SNAP47: variants seen among roughly 807,000 people sequenced by gnomAD.
SNAP47 encodes synaptosomal-associated protein 47.
In SNAP47, 20 loss-of-function variants were observed where a neutral mutation model predicts 31.4. That is an observed-to-expected ratio of 0.64 (90% CI 0.45 to 0.93). The LOEUF is 0.93. Among genes scored for constraint, SNAP47 ranks in the 40% least tolerant of loss-of-function variants. The pLI is 0.00. For missense variants in SNAP47, 492 were observed against 528.5 expected (o/e 0.93, Z 0.68); for synonymous variants, 194 against 213.4 (o/e 0.91, Z 0.79).
chr1:227,743,746 G>T (rs1049583206), intron 1 of SNAP47: 1 of 152,230 alleles, frequency 6.6e-6, no homozygotes, highest in Non-Finnish European at 1.5e-5. Flanking sequence ...TACCCTAAGA[G>T]CTGCTTTCTT....
At chr1:227,758,777 G>T (rs1387930036) in intron 2 of SNAP47, among the ~76,000 whole-genome samples, 2 of 136,896 alleles carry the variant, frequency 1.5e-5, no homozygotes, top group African/African-American at 3.0e-5. Flanking sequence ...GGTTGGCTTT[G>T]CATCTAGATG....
At chr1:227,754,266 A>G (rs1370793456) in intron 2 of SNAP47, among the ~76,000 whole-genome samples, 2 of 152,132 alleles carry the variant, frequency 1.3e-5, no homozygotes, top group African/African-American at 4.8e-5. Flanking sequence ...CTTGACATCC[A>G]GCTGCCCTTG....
chr1:227,735,471 G>C lies in SNAP47; in HGVS notation c.-74G>C, dbSNP rs1158929737. The C allele has an allele frequency of 6.3e-6, 9 of 1,436,270 alleles. No individual in the cohort carries two copies. The highest frequency in any genetic ancestry group is 5.3e-5 in the East Asian group (2 of 37,584). 89.0% of individuals were successfully genotyped at this position (1,436,270 alleles called of 1,614,324 possible). On this transcript the variant is annotated 5_prime_UTR_variant, in exon 1 of 5. Coordinates refer to ENST00000617596, the MANE Select transcript of SNAP47 (RefSeq NM_053052.4). ...GCCGAGCGGCCGAGGCGCCGCGGTC[G>C]GCTCTGGGACTCGTCTGGCGTCCCT... is the stretch of plus-strand genomic sequence containing the variant.
chr1:227,760,211 G>A (rs911684772), intron 3 of SNAP47, among the ~76,000 whole-genome samples: 2 of 152,202 alleles, frequency 1.3e-5, no homozygotes, highest in Admixed American at 6.5e-5. Flanking sequence ...TGTTGTCTCT[G>A]TCATCTCCCC....
At position 227,759,052 on chromosome 1, in the gene SNAP47, G is replaced by C. The variant is rs774765340; in HGVS notation, c.555G>C (p.Lys185Asn). The C allele has an allele frequency of 1.9e-6, 3 of 1,613,750 alleles. No individual in the cohort carries two copies. Among genetic ancestry groups the C allele is most frequent in the East Asian group, 4.5e-5 (2 of 44,884 alleles). ...AWWPFSSKLW[K>N]TPPETKPRED... Reference sequence around the variant, plus strand: ...GGCCCTTTAGCTCCAAGCTTTGGAAGACACCACCGGAAACAAAGCCCAGGG... The same window carrying C: ...GGCCCTTTAGCTCCAAGCTTTGGAACACACCACCGGAAACAAAGCCCAGGG... Residue 185 changes from lysine to asparagine, a missense_variant, in exon 3 of 5, where the codon AAG (lysine) becomes AAC (asparagine). Coordinates refer to ENST00000617596, the MANE Select transcript of SNAP47 (RefSeq NM_053052.4).
Position 227,740,793 on chromosome 1 carries a change from G to T in SNAP47, c.-46+5294G>T, listed in dbSNP as rs142780263. Among the ~76,000 whole-genome samples the T allele has an allele frequency of 9.1e-3, 1,380 of 152,294 alleles. 7 individuals carry two copies. Among genetic ancestry groups the T allele is most frequent in the Non-Finnish European group, 0.016 (1,068 of 68,024 alleles). On this transcript the variant is annotated intron_variant, in intron 1 of 4. Coordinates refer to ENST00000617596, the MANE Select transcript of SNAP47 (RefSeq NM_053052.4). ...AGGAGTCAGAAGTCCTGGGCCCGTG[G>T]TGACTTTACTGAGAGAGGAACTGAC...
chr1:227,743,445 C>G (rs565307187), intron 1 of SNAP47, among the ~76,000 whole-genome samples: 1 of 152,338 alleles, frequency 6.6e-6, no homozygotes, highest in East Asian at 1.9e-4. Context: ...CCCATGGGCT[C>G]CAGCCTCCCT....
chr1:227,733,371 G>C (rs1435593202), upstream of SNAP47: 2 of 1,551,610 alleles, frequency 1.3e-6, no homozygotes, highest in Non-Finnish European at 1.7e-6. Flanking sequence ...CCGTCTTCCT[G>C]CAGGAAGGCC....
chr1:227,738,409 C>G (rs1288101247), intron 1 of SNAP47, among the ~76,000 whole-genome samples: 2 of 152,068 alleles, frequency 1.3e-5, no homozygotes, highest in Admixed American at 6.5e-5. Context: ...TACATTCATT[C>G]ATTCATTCAT....
chr1:227,766,605 G>A (rs1315150338), intron 3 of SNAP47, among the ~76,000 whole-genome samples: 2 of 152,256 alleles, frequency 1.3e-5, no homozygotes, highest in Non-Finnish European at 2.9e-5. Context: ...CTCAGATGTC[G>A]CTGCAGTTCC....
At chr1:227,750,036 T>C (rs1267585970) in intron 2 of SNAP47, among the ~76,000 whole-genome samples, 2 of 152,250 alleles carry the variant, frequency 1.3e-5, no homozygotes, top group East Asian at 3.9e-4. Context: ...TTGGCCACTG[T>C]CCCTCAGCCC....
chr1:227,750,440 T>A (rs531875074), intron 2 of SNAP47, among the ~76,000 whole-genome samples: 1 of 152,380 alleles, frequency 6.6e-6, no homozygotes, highest in East Asian at 1.9e-4. Context: ...CACAGACACG[T>A]GCAGAGTAGT....
chr1:227,748,826 G>T (rs17555357), intron 2 of SNAP47, among the ~76,000 whole-genome samples: 64,189 of 152,112 alleles, frequency 0.42, 13,663 homozygotes, highest in African/African-American at 0.46. Flanking sequence ...CATGAGCTAT[G>T]TTCTTCTGTT....
intron 3 of SNAP47, among the ~76,000 whole-genome samples, chr1:227,764,469 C>A (rs994705920): frequency 3.9e-5 from 6 of 152,326 alleles, no homozygotes; most frequent in African/African-American, 1.4e-4. Flanking sequence ...AGGGGCTCTG[C>A]CCTGAAGAGC....
At chr1:227,761,832 C>T (rs1257900045) in intron 3 of SNAP47, among the ~76,000 whole-genome samples, 2 of 152,078 alleles carry the variant, frequency 1.3e-5, no homozygotes, top group African/African-American at 2.4e-5. Flanking sequence ...GCCATGTTGC[C>T]GACCTGGCTG....
chr1:227,755,052 C>G (rs1001483881), intron 2 of SNAP47, among the ~76,000 whole-genome samples: 2 of 152,120 alleles, frequency 1.3e-5, no homozygotes, highest in African/African-American at 4.8e-5. Flanking sequence ...TCAGACATGC[C>G]TCATTATGCC....
At chr1:227,747,364 A>G (rs575791545) in intron 1 of SNAP47, among the ~76,000 whole-genome samples, 85 of 152,294 alleles carry the variant, frequency 5.6e-4, no homozygotes, top group African/African-American at 1.9e-3. Context: ...AGCAGTGGAC[A>G]CTGATCCAAG....
In SNAP47 at chr1:227,763,155, G is replaced by T. The variant is rs1035126938; in HGVS notation, c.988+3670G>T. On this transcript the variant is annotated intron_variant, in intron 3 of 4. Transcript: ENST00000617596. This position sits in a 1 kb window ranked among gnomAD's most constrained non-coding sequence, Gnocchi z 4.2. Reference sequence around the variant, plus strand: ...TTTTTTTTAATTATGGGGTCTTGCCGTGTTGCCTAGGCTGGTCTTGAACTC... The same window carrying T: ...TTTTTTTTAATTATGGGGTCTTGCCTTGTTGCCTAGGCTGGTCTTGAACTC... Among the ~76,000 whole-genome samples, 1 of 151,364 alleles carries T rather than the reference G, an allele frequency of 6.6e-6. No individual in the cohort carries two copies. Among genetic ancestry groups the T allele is most frequent in the South Asian group, 2.1e-4 (1 of 4,798 alleles).
chr1:227,773,127 A>ATTTT (rs34140624), intron 4 of SNAP47, among the ~76,000 whole-genome samples: 1,070 of 102,480 alleles, frequency 0.01, 2 homozygotes, highest in East Asian at 0.022. Flanking sequence ...CGTCCAGCTA[A>ATTTT]TTTTTTTTTT....
Sources: allele counts gnomAD v4.1 joint callset (sites outside exome capture counted in the v4.1 genomes callset), GRCh38; gene constraint gnomAD v4.1.1; non-coding constraint Gnocchi (gnomAD v3.1); transcripts MANE v1.5; gene names NCBI Gene and HGNC (gene_info 2026-07-23, HGNC 2026-07-21).